FOXN3: variants seen among roughly 807,000 people sequenced by gnomAD.
FOXN3 encodes forkhead box N3, also known as forkhead box protein N3.
Under a neutral mutation model 38.4 loss-of-function variants are expected in FOXN3, and 7 were observed. The ratio of observed to expected loss-of-function variants is 0.18; its 90% CI spans 0.10 to 0.34. The LOEUF is 0.34. FOXN3 is among the 10% of genes least tolerant of loss of function. The pLI, the probability that FOXN3 is intolerant of heterozygous loss-of-function variation, is 1.00. For missense variants in FOXN3, 456 were observed against 613.4 expected (o/e 0.74, Z 2.71); for synonymous variants, 230 against 242.2 (o/e 0.95, Z 0.47).
intron 1 of FOXN3, among the ~76,000 whole-genome samples, chr14:89,414,803 G>C (rs1028711277): frequency 6.6e-6 from 1 of 151,856 alleles, no homozygotes; most frequent in Admixed American, 6.6e-5. Context: ...CACCCGCCTC[G>C]GCCTCCCAAA....
At chr14:89,588,433 G>T (rs1895889146) in intron 1 of FOXN3, among the ~76,000 whole-genome samples, 1 of 152,090 alleles carries the variant, frequency 6.6e-6, no homozygotes. Flanking sequence ...TTCAGCAATG[G>T]GTGTTTGTCA....
At chr14:89,267,006 G>A (rs117012204) in intron 4 of FOXN3, among the ~76,000 whole-genome samples, 49 of 152,320 alleles carry the variant, frequency 3.2e-4, no homozygotes, top group East Asian at 1.9e-3. Context: ...AAAGCAAAGG[G>A]GAAAAGTGAT....
chr14:89,270,524 G>A (rs1277584717), intron 4 of FOXN3, among the ~76,000 whole-genome samples: 2 of 152,182 alleles, frequency 1.3e-5, no homozygotes, highest in Non-Finnish European at 2.9e-5. Flanking sequence ...TTGACTGACT[G>A]GAAAGGAAAG....
At chr14:89,410,484 G>A (rs1244471100) in intron 2 of FOXN3, among the ~76,000 whole-genome samples, 2 of 152,136 alleles carry the variant, frequency 1.3e-5, no homozygotes, top group Non-Finnish European at 2.9e-5. Flanking sequence ...TCTTAACCGC[G>A]GCTGCATTAC....
At chr14:89,399,033 T>C (rs967281251) in intron 2 of FOXN3, among the ~76,000 whole-genome samples, 3 of 152,190 alleles carry the variant, frequency 2.0e-5, no homozygotes, top group Admixed American at 6.5e-5. Flanking sequence ...TCAAAGGCTT[T>C]CCTGAATTTT....
intron 5 of FOXN3, among the ~76,000 whole-genome samples, chr14:89,175,909 G>T (rs1456448453): frequency 6.6e-6 from 1 of 152,186 alleles, no homozygotes; most frequent in Non-Finnish European, 1.5e-5. Context: ...TGCTGTGAAT[G>T]TAAGAAACCT....
intron 4 of FOXN3, among the ~76,000 whole-genome samples, chr14:89,191,812 G>T (rs1033545365): frequency 6.7e-6 from 1 of 149,880 alleles, no homozygotes; most frequent in African/African-American, 2.5e-5. Flanking sequence ...GCCTGCAGGA[G>T]GCCTGTTACT....
chr14:89,325,338 C>CACTACCACT (rs1888040520), intron 3 of FOXN3, among the ~76,000 whole-genome samples: 2 of 143,034 alleles, frequency 1.4e-5, no homozygotes, highest in African/African-American at 2.6e-5. Flanking sequence ...CCACCACCAC[C>CACTACCACT]ACCACCACCA....
Position 89,242,583 on chromosome 14 carries a change from ACACT to A in FOXN3, c.745+38363_745+38366del, listed in dbSNP as rs370670100. On this transcript the variant is annotated intron_variant, in intron 4 of 5. Transcript: ENST00000557258. Reference sequence around the variant, plus strand: ...CGATACCACTAAAGTAAAATATTTGACACTCACAAGATTAAAAGCTGAATACAGT... The same window carrying A: ...CGATACCACTAAAGTAAAATATTTGACACAAGATTAAAAGCTGAATACAGT... Among the ~76,000 whole-genome samples the A allele has an allele frequency of 7.0e-4, 106 of 152,302 alleles. No homozygotes were observed. In the East Asian group the frequency reaches 0.015, roughly 22 times the overall value.
At chr14:89,609,756 A>G (rs1174013877) in intron 1 of FOXN3, among the ~76,000 whole-genome samples, 1 of 152,144 alleles carries the variant, frequency 6.6e-6, no homozygotes, top group Non-Finnish European at 1.5e-5. Flanking sequence ...AGTCTTCCAG[A>G]GCACGATCAA....
At chr14:89,447,888 G>A (rs977471782) in intron 1 of FOXN3, among the ~76,000 whole-genome samples, 4 of 131,558 alleles carry the variant, frequency 3.0e-5, no homozygotes, top group Non-Finnish European at 4.6e-5. Flanking sequence ...CACCATCTCG[G>A]CTCACTGCAA....
intron 3 of FOXN3, among the ~76,000 whole-genome samples, chr14:89,336,785 T>C (rs1432328002): frequency 1.3e-5 from 2 of 152,260 alleles, no homozygotes; most frequent in African/African-American, 2.4e-5. Flanking sequence ...CTTACTTTCA[T>C]AGTTCATTTC....
At chr14:89,592,261 TGA>T (rs1449405203) in intron 1 of FOXN3, among the ~76,000 whole-genome samples, 1 of 152,120 alleles carries the variant, frequency 6.6e-6, no homozygotes, top group African/African-American at 2.4e-5. Context: ...TTCTAAGTAT[TGA>T]GAGATAATTT....
At chr14:89,208,800 G>C (rs1250293858) in intron 4 of FOXN3, among the ~76,000 whole-genome samples, 1 of 152,208 alleles carries the variant, frequency 6.6e-6, no homozygotes, top group Non-Finnish European at 1.5e-5. Flanking sequence ...AGATCTACTT[G>C]AATTAGCGGG....
At chr14:89,607,082 T>C (rs1320598153) in intron 1 of FOXN3, among the ~76,000 whole-genome samples, 3 of 152,216 alleles carry the variant, frequency 2.0e-5, no homozygotes, top group Admixed American at 6.5e-5. Context: ...TGTTAAAGTC[T>C]GACAATATTA....
intron 1 of FOXN3, among the ~76,000 whole-genome samples, chr14:89,585,022 T>C (rs896818140): frequency 2.0e-5 from 3 of 152,208 alleles, no homozygotes; most frequent in African/African-American, 7.2e-5. Flanking sequence ...GGCAAGTGTC[T>C]CTTTTCAAAT....
chr14:89,218,938 G>A (rs937530562), intron 4 of FOXN3, among the ~76,000 whole-genome samples: 2 of 152,214 alleles, frequency 1.3e-5, no homozygotes, highest in Non-Finnish European at 2.9e-5. Context: ...CACCCGCTAA[G>A]ACTTTCCCTA....
chr14:89,181,521 G>C (rs1319078835), intron 4 of FOXN3, among the ~76,000 whole-genome samples: 2 of 152,192 alleles, frequency 1.3e-5, no homozygotes, highest in African/African-American at 4.8e-5. Flanking sequence ...CTCGTGGCCT[G>C]AGGAAAGGCC....
At chr14:89,252,153 C>A (rs1263110265) in intron 4 of FOXN3, among the ~76,000 whole-genome samples, 1 of 152,186 alleles carries the variant, frequency 6.6e-6, no homozygotes, top group Non-Finnish European at 1.5e-5. Flanking sequence ...AATGAAGAAA[C>A]AGAGATTAAG....
Sources: allele counts gnomAD v4.1 joint callset (sites outside exome capture counted in the v4.1 genomes callset), GRCh38; gene constraint gnomAD v4.1.1; transcripts MANE v1.5; gene names NCBI Gene and HGNC (gene_info 2026-07-23, HGNC 2026-07-21).